The following LRP1 variants were observed in gnomAD, a reference collection of about 807,000 sequenced individuals.
LRP1 encodes the protein prolow-density lipoprotein receptor-related protein 1.
In LRP1, 51 loss-of-function variants were observed where a neutral mutation model predicts 541.5. That is an observed-to-expected ratio of 0.09 (90% confidence interval 0.08 to 0.12). The LOEUF is 0.12. Ranked by LOEUF, LRP1 falls within the 10% of genes least tolerant of loss-of-function variation. The pLI, the probability that LRP1 is intolerant of heterozygous loss-of-function variation, is 1.00. For synonymous variants in LRP1, 2,219 were observed against 2,470.8 expected, an observed-to-expected ratio of 0.90 and a Z score of 3.02; for missense variants, 3,878 against 6,376.2, an observed-to-expected ratio of 0.61 and a Z score of 13.34.
At chr12:57,135,029 CATCCCATGACCT>C (rs2035127067) in intron 1 of LRP1, among the ~76,000 whole-genome samples, 1 of 152,180 alleles carries the variant, frequency 6.6e-6, no homozygotes, top group South Asian at 2.1e-4. Flanking sequence ...AACCCGGCTG[CATCCCATGACCT>C]ATGAGGAAAC....
In LRP1 at chr12:57,212,681, A is replaced by C; in HGVS notation, c.*126A>C. On this transcript the variant is annotated 3_prime_UTR_variant, in exon 89 of 89. Coordinates refer to ENST00000243077, the MANE Select transcript of LRP1 (RefSeq NM_002332.3). The surrounding 1 kb of genome is among the most constrained non-coding windows in gnomAD (Gnocchi z 5.0). The stretch of plus-strand genomic sequence containing the variant: ...GATGTATAAATGTAAAAATGAAGGA[A>C]TTACATTTTATATGTGAGCGAGCAA... 1 of 1,025,090 alleles carries C rather than the reference A, an allele frequency of 9.8e-7. No homozygotes were observed. Among genetic ancestry groups the C allele is most frequent in the Non-Finnish European group, 1.4e-6 (1 of 722,092 alleles). The allele number at this position is 1,025,090 out of a possible 1,614,324, so 63.5% of individuals were successfully genotyped here. A position where few individuals can be genotyped will look rare whatever the true frequency, so the allele number is the denominator to read the frequency against.
At chr12:57,131,712 G>A (rs77236569) in intron 1 of LRP1, among the ~76,000 whole-genome samples, 2,124 of 152,200 alleles carry the variant, frequency 0.014, 63 homozygotes, top group African/African-American at 0.047. Flanking sequence ...GATGTTTAGG[G>A]CTGCTTCACT....
chr12:57,129,089 A>C (rs1348252744), intron 1 of LRP1, 58 bp downstream of exon 1: 1 of 1,494,600 alleles, frequency 6.7e-7, no homozygotes, highest in Non-Finnish European at 9.1e-7. Flanking sequence ...CCCAGCCCCC[A>C]CTCCTGCATA....
Position 57,211,106 on chromosome 12 carries a change from CTCTGT to C in LRP1, c.12917-67_12917-63del. On this transcript the variant is annotated intron_variant, in intron 83 of 88. Transcript: ENST00000243077. This position sits in a 1 kb window ranked among gnomAD's most constrained non-coding sequence, Gnocchi z 4.3. ...CACCAAGATTATGCAAACAGAAAAG[CTCTGT>C]TCAACCTATGGAGAGCCCTCATGAG... The C allele has an allele frequency of 6.5e-7, 1 of 1,530,082 alleles. No homozygotes were observed. Among genetic ancestry groups the C allele is most frequent in the Non-Finnish European group, 9.0e-7 (1 of 1,115,924 alleles). The allele number at this position is 1,530,082 out of a possible 1,614,324, so 94.8% of individuals were successfully genotyped here. A position where few individuals can be genotyped will look rare whatever the true frequency, so the allele number is the denominator to read the frequency against.
rs770383447 is a variant in LRP1 at position 57,193,315 on chromosome 12, C to T, written c.7684+11C>T. On this transcript the variant is annotated intron_variant, in intron 46 of 88. Transcript: ENST00000243077. ...AGCCATCCTACTGCAGTAAGGAGCCCCCTGCAGCCCCTGCCTCTTCCAGGC... is the reference window on the plus strand; with the variant it reads ...AGCCATCCTACTGCAGTAAGGAGCCTCCTGCAGCCCCTGCCTCTTCCAGGC... 6.2e-7 allele frequency: 1 copy of T among 1,607,860 alleles called. No individual in the cohort carries two copies. The highest frequency in any genetic ancestry group is 8.5e-7 in the Non-Finnish European group (1 of 1,179,874).
At chr12:57,130,708 A>G (rs925492327) in intron 1 of LRP1, among the ~76,000 whole-genome samples, 2 of 152,076 alleles carry the variant, frequency 1.3e-5, no homozygotes, top group Non-Finnish European at 2.9e-5. Context: ...TTCTGTGGAG[A>G]GCAGGGAAGG....
chr12:57,205,184 C>T lies in LRP1; in HGVS notation c.11270C>T (p.Ser3757Phe), dbSNP rs772426735. 1.2e-6 allele frequency: 2 copies of T among 1,613,978 alleles called. No individual in the cohort carries two copies. Among genetic ancestry groups the T allele is most frequent in the South Asian group, 1.1e-5 (1 of 91,086 alleles). ...FLCRNQRCLS[S>F]SLRCNMFDDC... ...TGCCGGAACCAGCGCTGCCTCTCCT[C>T]CTCCCTGCGCTGCAACATGTTCGAT... The change falls in exon 73 of 89, where the codon TCC becomes TTC. Residue 3757 changes from serine to phenylalanine, a missense_variant. Transcript: ENST00000243077. This position sits in a 1 kb window ranked among gnomAD's most constrained non-coding sequence, Gnocchi z 4.6.
At chr12:57,137,899 T>C (rs1292676361) in intron 1 of LRP1, among the ~76,000 whole-genome samples, 1 of 152,002 alleles carries the variant, frequency 6.6e-6, no homozygotes, top group Non-Finnish European at 1.5e-5. Flanking sequence ...CATCTCCAAC[T>C]ACTACTGTGT....
In LRP1 at chr12:57,184,198, G is replaced by C; in HGVS notation, c.6043G>C (p.Val2015Leu). 1 of 1,613,930 alleles carries C rather than the reference G, an allele frequency of 6.2e-7. No individual in the cohort carries two copies. The highest frequency in any genetic ancestry group is 1.1e-5 in the South Asian group (1 of 91,056). The change falls in exon 37 of 89, where the codon GTC (valine) becomes CTC (leucine). Residue 2015 changes from valine (V) to leucine (L), a missense_variant. Transcript: ENST00000243077. This position sits in a 1 kb window ranked among gnomAD's most constrained non-coding sequence, Gnocchi z 7.8. ...QGLDKPRAIT[V>L]HPEKGYLFWT... ...TCTAGACAAGCCCCGGGCCATCACC[G>C]TCCACCCGGAGAAAGGGTGAGGAGC...
At chr12:57,174,920 G>A (rs552322804) in intron 22 of LRP1, among the ~76,000 whole-genome samples, 16 of 152,336 alleles carry the variant, frequency 1.1e-4, no homozygotes, top group African/African-American at 3.8e-4. Flanking sequence ...AGAGCCCCCA[G>A]TTCCTTGGAA....
intron 17 of LRP1, 40 bp from the exon 18 acceptor site, chr12:57,166,890 G>T: frequency 1.9e-6 from 2 of 1,050,132 alleles, no homozygotes; most frequent in Non-Finnish European, 3.0e-6. Flanking sequence ...TGAAGAGAGG[G>T]TCAGGACAAT....
rs1025419149 is a variant in LRP1, at chr12:57,178,044, G to C, written c.4362-315G>C. Among the ~76,000 whole-genome samples the C allele has an allele frequency of 6.6e-6, 1 of 151,864 alleles. No homozygotes were observed. Among genetic ancestry groups the C allele is most frequent in the Non-Finnish European group, 1.5e-5 (1 of 67,932 alleles). Reference sequence around the variant, plus strand: ...GCTCACTGCAGGCTCCGCCCCCCGGGGTTCACGCTGAGGGTGCCTTTTTCT... The same window carrying C: ...GCTCACTGCAGGCTCCGCCCCCCGGCGTTCACGCTGAGGGTGCCTTTTTCT... On this transcript the variant is annotated intron_variant, in intron 26 of 88. Transcript: ENST00000243077. This position sits in a 1 kb window ranked among gnomAD's most constrained non-coding sequence, Gnocchi z 5.8.
Position 57,167,630 on chromosome 12 carries a change from C to T in LRP1, c.2995+106C>T, listed in dbSNP as rs575111349. 2.5e-5 allele frequency: 22 copies of T among 876,874 alleles called. No homozygotes were observed. The Admixed American group carries it at 2.7e-4, about 11-fold the overall frequency. The allele number at this position is 876,874 out of a possible 1,614,324, so 54.3% of individuals were successfully genotyped here. On this transcript the variant is annotated intron_variant, in intron 19 of 88. Transcript: ENST00000243077. ...TTCAGAATCCAGCAGGGCCTCCCTC[C>T]AGGACACTGAATCCCTGCTGGGTTG...
At position 57,171,239 on chromosome 12, in the gene LRP1, C is replaced by T. The variant is rs538443354; in HGVS notation, c.3164-1929C>T. 9.2e-5 allele frequency among the ~76,000 whole-genome samples: 14 copies of T among 152,202 alleles called. No individual in the cohort carries two copies. In the South Asian group the frequency reaches 2.1e-3, roughly 23 times the overall value. On this transcript the variant is annotated intron_variant, in intron 20 of 88. Transcript: ENST00000243077. ...ATGAGCTGAGGTATGTGAGGCCTGG[C>T]GTGGAGGAGCAGGGTGTCACTATTG... is the stretch of plus-strand genomic sequence containing the variant.
At chr12:57,144,643 T>G in intron 4 of LRP1, 1 of 304,872 alleles carries the variant, frequency 3.3e-6, no homozygotes, top group East Asian at 6.5e-5. Context: ...TATATTTCAT[T>G]TATTATCTGA....
At chr12:57,138,408 A>C in intron 1 of LRP1, 51 bp from the exon 2 acceptor site, 2 of 1,601,626 alleles carry the variant, frequency 1.2e-6, no homozygotes, top group South Asian at 2.2e-5. Context: ...TTGGGTTCAC[A>C]GAGTTGGCCT....
rs751731219 is a variant in LRP1, at chr12:57,193,649, G to A, written c.7768G>A (p.Asp2590Asn). The A allele has an allele frequency of 1.9e-6, 3 of 1,614,180 alleles. No individual in the cohort carries two copies. Among genetic ancestry groups the A allele is most frequent in the South Asian group, 2.2e-5 (2 of 91,086 alleles). ...SNMLWCNGAD[D>N]CGDGSDEIPC... Reference sequence around the variant, plus strand: ...CATGCTGTGGTGCAACGGGGCCGACGACTGTGGGGATGGCTCTGACGAGAT... The same window carrying A: ...CATGCTGTGGTGCAACGGGGCCGACAACTGTGGGGATGGCTCTGACGAGAT... Residue 2590 changes from aspartate to asparagine, a missense_variant, in exon 47 of 89, where the codon GAC becomes AAC. Coordinates refer to ENST00000243077, the MANE Select transcript of LRP1 (RefSeq NM_002332.3).
rs779470559 is a variant in LRP1 at position 57,198,195 on chromosome 12, G to T, written c.9322G>T (p.Ala3108Ser). The T allele has an allele frequency of 1.2e-6, 2 of 1,613,158 alleles. No individual in the cohort carries two copies. The highest frequency in any genetic ancestry group is 1.7e-5 in the Admixed American group (1 of 60,006). The change falls in exon 59 of 89, where the codon GCT becomes TCT. Residue 3108 changes from alanine to serine, a missense_variant. By Grantham distance (99) the Ala-to-Ser change is moderately conservative. This residue lies in a region of LRP1 where 1,100 missense variants were observed against 1,827.4 expected (regional missense o/e 0.60). Coordinates refer to ENST00000243077, the MANE Select transcript of LRP1 (RefSeq NM_002332.3). ...AGGCCTCAGCAACCCCGATGGGCTG[G>T]CTGTGGACTGGGTGGGTGGCAACCT... ...RTGLSNPDGL[A>S]VDWVGGNLYW... is the part of the protein sequence containing the mutation.
At chr12:57,180,612 A>T in intron 32 of LRP1, 55 bp from the exon 33 acceptor site, 1 of 1,610,994 alleles carries the variant, frequency 6.2e-7, no homozygotes, top group Non-Finnish European at 8.5e-7. Context: ...TGGGCCCTTC[A>T]GGAGAGCTGG....
Sources: allele counts gnomAD v4.1 joint callset (sites outside exome capture counted in the v4.1 genomes callset), GRCh38; gene constraint gnomAD v4.1.1; regional missense constraint gnomAD v4.1.1; non-coding constraint Gnocchi (gnomAD v3.1); transcripts MANE v1.5; gene names NCBI Gene and HGNC (gene_info 2026-07-23, HGNC 2026-07-21).